The following CSMD1 variants were observed in gnomAD, a reference collection of about 807,000 sequenced individuals.
The protein encoded by CSMD1 is CUB and Sushi multiple domains 1, also known as CUB and sushi domain-containing protein 1.
Under a neutral mutation model 417.5 loss-of-function variants are expected in CSMD1, and 213 were observed. That is an observed-to-expected ratio of 0.51 (90% CI 0.46 to 0.57). The LOEUF is 0.57. CSMD1 is among the 20% of genes least tolerant of loss of function. The probability of loss-of-function intolerance (pLI) is 0.00; values close to 1 mark genes in which losing one functional copy is unlikely to be tolerated. For synonymous variants in CSMD1, 2,862 were observed against 1,736.8 expected (o/e 1.65, Z -16.11); for missense variants, 6,923 against 4,529.7 (o/e 1.53, Z -15.17).
chr8:4,206,315 G>C (rs1799975587), intron 3 of CSMD1, among the ~76,000 whole-genome samples: 2 of 152,120 alleles, frequency 1.3e-5, no homozygotes, highest in South Asian at 2.1e-4. Context: ...ATTTACATTA[G>C]GTATATCTCC....
At chr8:3,290,940 A>G (rs1016213126) in intron 25 of CSMD1, among the ~76,000 whole-genome samples, 1 of 152,174 alleles carries the variant, frequency 6.6e-6, no homozygotes. Context: ...TTTCCCATTC[A>G]GTATGATATT....
chr8:4,623,327 G>A (rs1421290586), intron 2 of CSMD1, among the ~76,000 whole-genome samples: 2 of 152,004 alleles, frequency 1.3e-5, no homozygotes, highest in Non-Finnish European at 2.9e-5. Context: ...AACTAAAAAG[G>A]CTGAGTACAC....
chr8:3,324,251 C>A (rs563171472), intron 23 of CSMD1, among the ~76,000 whole-genome samples: 25 of 148,554 alleles, frequency 1.7e-4, no homozygotes, highest in African/African-American at 6.0e-4. Context: ...GTTTCCTTCA[C>A]CCCACCTTTC....
At chr8:3,842,711 T>A (rs539850742) in intron 5 of CSMD1, among the ~76,000 whole-genome samples, 1 of 151,946 alleles carries the variant, frequency 6.6e-6, no homozygotes, top group South Asian at 2.1e-4. Context: ...ATGAGAAACC[T>A]GCAAAAAATG....
chr8:4,826,372 A>G (rs1799826586), intron 1 of CSMD1, among the ~76,000 whole-genome samples: 1 of 152,196 alleles, frequency 6.6e-6, no homozygotes, highest in Non-Finnish European at 1.5e-5. Context: ...ACTTTTTAAA[A>G]GACGCAATCC....
intron 38 of CSMD1, among the ~76,000 whole-genome samples, chr8:3,161,394 A>G (rs1226535594): frequency 6.6e-6 from 1 of 152,160 alleles, no homozygotes; most frequent in East Asian, 1.9e-4. Context: ...AGGCAGGTGG[A>G]TCACCTGAGG....
chr8:4,579,514 C>A (rs1396932413), intron 2 of CSMD1, among the ~76,000 whole-genome samples: 2 of 151,920 alleles, frequency 1.3e-5, no homozygotes, highest in Admixed American at 1.3e-4. Flanking sequence ...AGGCACCCGC[C>A]ACCACGCCCA....
intron 5 of CSMD1, among the ~76,000 whole-genome samples, chr8:3,826,008 C>A (rs533959006): frequency 2.0e-5 from 3 of 152,186 alleles, no homozygotes; most frequent in African/African-American, 4.8e-5. Flanking sequence ...ACTTTATTCA[C>A]TTGCCTTTTT....
At chr8:4,309,527 C>G (rs953513360) in intron 3 of CSMD1, among the ~76,000 whole-genome samples, 1 of 152,006 alleles carries the variant, frequency 6.6e-6, no homozygotes, top group African/African-American at 2.4e-5. Flanking sequence ...AATCCTGTAA[C>G]ACAGACAAAG....
chr8:4,087,597 C>G (rs1425397562), intron 3 of CSMD1, among the ~76,000 whole-genome samples: 1 of 152,074 alleles, frequency 6.6e-6, no homozygotes, highest in African/African-American at 2.4e-5. Context: ...GTCTAACTTT[C>G]TGTCTCTCTC....
At chr8:4,549,166 A>G (rs1797756613) in intron 2 of CSMD1, among the ~76,000 whole-genome samples, 1 of 152,140 alleles carries the variant, frequency 6.6e-6, no homozygotes, top group Non-Finnish European at 1.5e-5. Flanking sequence ...AGACTGACTC[A>G]AGGGATTCCT....
intron 3 of CSMD1, among the ~76,000 whole-genome samples, chr8:4,311,274 A>G (rs553245536): frequency 2.6e-5 from 4 of 152,112 alleles, no homozygotes; most frequent in African/African-American, 9.6e-5. Flanking sequence ...GACAGATTAG[A>G]TAAAGAAAAT....
intron 6 of CSMD1, among the ~76,000 whole-genome samples, chr8:3,733,546 C>T (rs565431047): frequency 2.0e-5 from 3 of 152,136 alleles, no homozygotes; most frequent in Admixed American, 6.5e-5. Context: ...AAAAAAACAA[C>T]TCTTAAGTTG....
intron 3 of CSMD1, among the ~76,000 whole-genome samples, chr8:4,133,813 G>A (rs187552813): frequency 2.6e-5 from 4 of 152,204 alleles, no homozygotes; most frequent in Non-Finnish European, 5.9e-5. Context: ...CTCTGACCAT[G>A]CCTGATCTCC....
intron 7 of CSMD1, among the ~76,000 whole-genome samples, chr8:3,692,670 T>C (rs530646275): frequency 2.0e-5 from 3 of 152,258 alleles, no homozygotes; most frequent in East Asian, 1.9e-4. Context: ...TGACCTCAAA[T>C]GATCTGCCTG....
In CSMD1 at chr8:3,468,697, G is replaced by C. The variant is rs556993839; in HGVS notation, c.1561+15C>G. 6.5e-7 allele frequency: 1 copy of C among 1,530,628 alleles called. No individual in the cohort carries two copies. Among genetic ancestry groups the C allele is most frequent in the Non-Finnish European group, 9.0e-7 (1 of 1,115,204 alleles). The allele number at this position is 1,530,628 out of a possible 1,614,324, so 94.8% of individuals were successfully genotyped here. On this transcript the variant is annotated intron_variant, in intron 12 of 69. Coordinates refer to ENST00000635120, the MANE Select transcript of CSMD1 (RefSeq NM_033225.6). ...ATGCTAACTTCCAACCCTGTGAAGT[G>C]TAATCTCATCATACCTTGGTAAACA...
intron 3 of CSMD1, among the ~76,000 whole-genome samples, chr8:4,079,028 C>G (rs917279599): frequency 6.7e-6 from 1 of 150,172 alleles, no homozygotes; most frequent in Non-Finnish European, 1.5e-5. Flanking sequence ...TTTGTTGTGT[C>G]CAGGTATGGA....
chr8:3,231,884 T>G (rs925309583), intron 26 of CSMD1, among the ~76,000 whole-genome samples: 3 of 152,240 alleles, frequency 2.0e-5, no homozygotes, highest in Non-Finnish European at 4.4e-5. Context: ...AAGTCTGCTA[T>G]GAAGATGAAG....
At chr8:3,508,955 T>G (rs1585275456) in intron 10 of CSMD1, among the ~76,000 whole-genome samples, 1 of 152,174 alleles carries the variant, frequency 6.6e-6, no homozygotes, top group Non-Finnish European at 1.5e-5. Context: ...TCCTCATGCT[T>G]AGTATTTCTG....
Sources: allele counts gnomAD v4.1 joint callset (sites outside exome capture counted in the v4.1 genomes callset), GRCh38; gene constraint gnomAD v4.1.1; transcripts MANE v1.5; gene names NCBI Gene and HGNC (gene_info 2026-07-23, HGNC 2026-07-21).